The following MAST4 variants were observed in gnomAD, a reference collection of about 807,000 sequenced individuals.
MAST4 encodes the protein microtubule-associated serine/threonine-protein kinase 4.
A neutral mutation model predicts 162.7 loss-of-function variants in MAST4; 89 were observed. That is an observed-to-expected ratio of 0.55 (90% CI 0.46 to 0.65). The LOEUF (loss-of-function observed/expected upper bound fraction) is 0.65. Among genes scored for constraint, MAST4 ranks in the 30% least tolerant of loss-of-function variants. MAST4 has a pLI of 0.00. For missense variants in MAST4, 3,153 were observed against 3,374.0 expected (o/e 0.93, Z 1.62); for synonymous variants, 1,479 against 1,361.1 (o/e 1.09, Z -1.91).
chr5:66,949,272 C>T (rs577905412), intron 4 of MAST4, among the ~76,000 whole-genome samples: 19 of 152,176 alleles, frequency 1.2e-4, no homozygotes, highest in Non-Finnish European at 2.2e-4. Flanking sequence ...ATGGTTTTGT[C>T]CTGTGTCCCC....
intron 4 of MAST4, among the ~76,000 whole-genome samples, chr5:66,923,584 T>C (rs1764686844): frequency 2.0e-5 from 3 of 152,248 alleles, no homozygotes; most frequent in Admixed American, 2.0e-4. Flanking sequence ...TTTTTTATTG[T>C]GGTCCTAAAT....
chr5:66,865,041 A>C (rs1733126449), intron 3 of MAST4, among the ~76,000 whole-genome samples: 1 of 152,202 alleles, frequency 6.6e-6, no homozygotes. Flanking sequence ...CAGGAGAGAA[A>C]AACTGAGATC....
chr5:66,903,274 G>A (rs1233588255), intron 4 of MAST4, among the ~76,000 whole-genome samples: 1 of 152,048 alleles, frequency 6.6e-6, no homozygotes, highest in African/African-American at 2.4e-5. Flanking sequence ...GTGTGTATAT[G>A]GGTGTTTATA....
intron 3 of MAST4, among the ~76,000 whole-genome samples, chr5:66,833,202 T>C (rs1289610227): frequency 6.6e-6 from 1 of 152,178 alleles, no homozygotes; most frequent in Admixed American, 6.5e-5. Context: ...AACCACAACG[T>C]TGTCATCTCT....
intron 4 of MAST4, among the ~76,000 whole-genome samples, chr5:66,935,310 A>C (rs114420782): frequency 8.7e-4 from 132 of 152,318 alleles, no homozygotes; most frequent in African/African-American, 3.0e-3. Context: ...ATGTGGTATG[A>C]TGTTTTTAGC....
chr5:66,782,250 C>G (rs928159831), intron 2 of MAST4, among the ~76,000 whole-genome samples: 1 of 149,600 alleles, frequency 6.7e-6, no homozygotes, highest in African/African-American at 2.5e-5. Flanking sequence ...GATAATGCCA[C>G]TGCACTCCAG....
At chr5:66,858,861 G>C (rs1465568372) in intron 3 of MAST4, among the ~76,000 whole-genome samples, 1 of 152,036 alleles carries the variant, frequency 6.6e-6, no homozygotes, top group Non-Finnish European at 1.5e-5. Context: ...TCACTATATA[G>C]ATGTTGTTCA....
At chr5:66,743,929 G>T (rs962373704) in intron 1 of MAST4, among the ~76,000 whole-genome samples, 1 of 152,126 alleles carries the variant, frequency 6.6e-6, no homozygotes, top group African/African-American at 2.4e-5. Context: ...CGAGTGGAAG[G>T]GGGAGAGGGC....
chr5:66,640,257 G>A (rs1302838310), intron 1 of MAST4, among the ~76,000 whole-genome samples: 1 of 151,802 alleles, frequency 6.6e-6, no homozygotes. Flanking sequence ...TCTTTCTTGA[G>A]GGCTAATATT....
chr5:67,158,877 A>G (rs372973281), intron 26 of MAST4, among the ~76,000 whole-genome samples: 1 of 152,166 alleles, frequency 6.6e-6, no homozygotes, highest in East Asian at 1.9e-4. Context: ...TTTACTAAAA[A>G]TACAAAATTA....
At chr5:67,046,409 A>G (rs1757374412) in intron 4 of MAST4, among the ~76,000 whole-genome samples, 1 of 152,216 alleles carries the variant, frequency 6.6e-6, no homozygotes, top group Admixed American at 6.5e-5. Flanking sequence ...AATTTATCTC[A>G]CACTTCAGCA....
intron 4 of MAST4, among the ~76,000 whole-genome samples, chr5:66,915,549 C>G (rs1764057562): frequency 6.6e-6 from 1 of 152,186 alleles, no homozygotes; most frequent in Non-Finnish European, 1.5e-5. Context: ...GAAAATTATT[C>G]TCTTTGGACA....
intron 4 of MAST4, among the ~76,000 whole-genome samples, chr5:66,956,139 G>T (rs1053623397): frequency 2.6e-5 from 4 of 151,728 alleles, no homozygotes; most frequent in Non-Finnish European, 5.9e-5. Context: ...TAAACTTTGG[G>T]TTCCCTTTCC....
At chr5:67,094,096 A>G (rs1367239824) in intron 6 of MAST4, 5 of 1,150,446 alleles carry the variant, frequency 4.3e-6, no homozygotes, top group Non-Finnish European at 6.2e-6. Flanking sequence ...ATTTACATAC[A>G]TCTTACTTTG....
chr5:67,165,147 G>A lies in MAST4; in HGVS notation c.5968G>A (p.Ala1990Thr), dbSNP rs367954921. ...TARSERSAARADTCREPSMEL... is the reference protein window; with the variant it reads ...TARSERSAARTDTCREPSMEL... ...CAGAAGCGAGCGCTCTGCTGCGAGG[G>A]CTGACACATGCAGAGAGCCCTCCAT... The change falls in exon 29 of 29, where the codon GCT becomes ACT. Residue 1990 changes from alanine to threonine, a missense_variant. Transcript: ENST00000403625. The A allele has an allele frequency of 4.4e-6, 7 of 1,594,458 alleles. No homozygotes were observed. In the African/African-American group the frequency reaches 9.4e-5, roughly 21 times the overall value.
chr5:67,153,521 A>G lies in MAST4; in HGVS notation c.3589A>G (p.Ile1197Val). ...GAAGGCTGGAGATCTTATCACTCAC[A>G]TCAATGGAGAACCAGTGCATGGACT... ...GLKAGDLITH[I>V]NGEPVHGLVH... The change falls in exon 26 of 29, where the codon ATC (isoleucine) becomes GTC (valine). Residue 1197 changes from isoleucine (I) to valine (V), a missense_variant. By Grantham distance (29) the Ile-to-Val change is conservative. This residue lies in a region of MAST4 where 619 missense variants were observed against 744.2 expected (regional missense o/e 0.83). Transcript: ENST00000403625. 6.2e-7 allele frequency: 1 copy of G among 1,601,698 alleles called. No individual in the cohort carries two copies.
intron 1 of MAST4, among the ~76,000 whole-genome samples, chr5:66,626,420 T>C (rs1386937919): frequency 6.6e-6 from 1 of 152,196 alleles, no homozygotes; most frequent in African/African-American, 2.4e-5. Flanking sequence ...CATGCACTAC[T>C]GATGGTTCTC....
At chr5:66,649,105 T>G (rs1746049261) in intron 1 of MAST4, among the ~76,000 whole-genome samples, 1 of 152,136 alleles carries the variant, frequency 6.6e-6, no homozygotes, top group African/African-American at 2.4e-5. Context: ...TTCAGAGTAT[T>G]TCCGCTTTTG....
chr5:67,095,399 GT>G (rs1764337544), intron 6 of MAST4, among the ~76,000 whole-genome samples, 197 bp from the exon 7 acceptor site: 1 of 152,120 alleles, frequency 6.6e-6, no homozygotes, highest in Admixed American at 6.5e-5. Flanking sequence ...CTTTCTACTT[GT>G]TTGGTTGTAT....
Sources: allele counts gnomAD v4.1 joint callset (sites outside exome capture counted in the v4.1 genomes callset), GRCh38; gene constraint gnomAD v4.1.1; regional missense constraint gnomAD v4.1.1; transcripts MANE v1.5; gene names NCBI Gene and HGNC (gene_info 2026-07-23, HGNC 2026-07-21).